The following NOX4 variants were observed in gnomAD, a reference collection of about 807,000 sequenced individuals.
NOX4 encodes the protein NADPH oxidase 4, also known as kidney oxidase-1.
A neutral mutation model predicts 87.6 loss-of-function variants in NOX4; 69 were observed. That is an observed-to-expected ratio of 0.79 (90% confidence interval 0.65 to 0.96). NOX4 has a LOEUF of 0.96. Ranked by LOEUF, NOX4 falls within the 40% of genes least tolerant of loss-of-function variation. The pLI is 0.00. For synonymous variants in NOX4, 275 were observed against 238.2 expected (o/e 1.15, Z -1.42); for missense variants, 680 against 681.5 (o/e 1.00, Z 0.02).
intron 4 of NOX4, among the ~76,000 whole-genome samples, chr11:89,445,918 A>G (rs571995018): frequency 2.0e-5 from 3 of 152,244 alleles, no homozygotes; most frequent in African/African-American, 7.2e-5. Flanking sequence ...TTTGAACACC[A>G]TGAGAAGATA....
At chr11:89,500,397 G>A (rs1173579703), upstream of NOX4, among the ~76,000 whole-genome samples, 4 of 152,112 alleles carry the variant, frequency 2.6e-5, no homozygotes, top group East Asian at 1.9e-4. Context: ...TCAACCAAAT[G>A]TCTTCATATC....
intron 12 of NOX4, among the ~76,000 whole-genome samples, chr11:89,370,022 A>G (rs113389751): frequency 2.0e-5 from 3 of 152,038 alleles, no homozygotes; most frequent in Non-Finnish European, 4.4e-5. Flanking sequence ...TGGCTCCTAC[A>G]GTGATATAGA....
chr11:89,458,495 CA>C (rs1945307113), intron 2 of NOX4, among the ~76,000 whole-genome samples: 1 of 151,982 alleles, frequency 6.6e-6, no homozygotes, highest in Non-Finnish European at 1.5e-5. Context: ...TTCTGTACAA[CA>C]AAAGAAACTA....
Position 89,326,566 on chromosome 11 carries a change from T to C in NOX4, c.*190A>G, listed in dbSNP as rs1590926613. On this transcript the variant is annotated 3_prime_UTR_variant, in exon 18 of 18. Coordinates refer to ENST00000263317, the MANE Select transcript of NOX4 (RefSeq NM_016931.5). ...ACATCAAATATTCTTCAGGGTCTCT[T>C]TGGTTTCCAGATTAAACATGTAATG... is the stretch of plus-strand genomic sequence containing the variant. The C allele has an allele frequency of 1.3e-5, 6 of 454,190 alleles. No individual in the cohort carries two copies. The highest frequency in any genetic ancestry group is 2.3e-5 in the Non-Finnish European group (6 of 257,396). The allele number at this position is 454,190 out of a possible 1,614,324, so 28.1% of individuals were successfully genotyped here.
the NOX4 span, among the ~76,000 whole-genome samples, chr11:89,582,574 C>T: frequency 7.2e-5 from 11 of 152,034 alleles, no homozygotes; most frequent in African/African-American, 1.7e-4. Context: ...CACTGTCCTC[C>T]CAATATACTA....
Position 89,486,963 on chromosome 11 carries a change from G to T in NOX4, c.153+3495C>A, listed in dbSNP as rs369660034. On this transcript the variant is annotated intron_variant, in intron 2 of 17. Transcript: ENST00000263317. ...GTTGGCCACATATTATTAAATAAAT[G>T]TCACTGGTTTCTTTTTCCTTTTTTT... 1.8e-3 allele frequency among the ~76,000 whole-genome samples: 272 copies of T among 152,100 alleles called. 1 individual carries two copies. The highest frequency in any genetic ancestry group is 3.4e-3 in the Middle Eastern group (1 of 294).
intron 7 of NOX4, among the ~76,000 whole-genome samples, chr11:89,423,808 C>T (rs1943219092): frequency 6.6e-6 from 1 of 151,964 alleles, no homozygotes; most frequent in Non-Finnish European, 1.5e-5. Flanking sequence ...TAATCCAACA[C>T]TTTGAAAGGC....
Position 89,426,420 on chromosome 11 carries a change from G to A in NOX4, c.549-4438C>T, listed in dbSNP as rs927151233. 3.3e-5 allele frequency among the ~76,000 whole-genome samples: 5 copies of A among 151,992 alleles called. 1 individual carries two copies. The highest frequency in any genetic ancestry group is 1.2e-4 in the African/African-American group (5 of 41,392). On this transcript the variant is annotated intron_variant, in intron 7 of 17. Transcript: ENST00000263317. ...CACCGAGCATGAGCTGAAGCAGGGT[G>A]AGGCATCGCCTCACCTGGGAAGCGC... is the stretch of plus-strand genomic sequence containing the variant.
chr11:89,431,279 C>T (rs916184217), intron 7 of NOX4, among the ~76,000 whole-genome samples: 1 of 152,174 alleles, frequency 6.6e-6, no homozygotes, highest in African/African-American at 2.4e-5. Context: ...CAATACCATT[C>T]AGGACATACA....
At chr11:89,535,957 T>C in the NOX4 span, among the ~76,000 whole-genome samples, 1 of 152,076 alleles carries the variant, frequency 6.6e-6, no homozygotes, top group Non-Finnish European at 1.5e-5. Context: ...CGGTCTCTGC[T>C]TTAGTTCAGT....
intron 12 of NOX4, among the ~76,000 whole-genome samples, chr11:89,362,173 G>GACACAGACACACACACACACACACAC (rs936644259): frequency 8.8e-4 from 129 of 147,008 alleles, no homozygotes; most frequent in African/African-American, 3.1e-3. Context: ...CACAGACACA[G>GACACAGACACACACACACACACACAC]ACACACACAC....
the NOX4 span, among the ~76,000 whole-genome samples, chr11:89,506,001 T>C: frequency 3.3e-5 from 5 of 151,848 alleles, no homozygotes; most frequent in African/African-American, 1.2e-4. Context: ...AGAGTTTCTA[T>C]GTTGAGGCAG....
chr11:89,575,730 T>G, the NOX4 span, among the ~76,000 whole-genome samples: 1 of 152,282 alleles, frequency 6.6e-6, no homozygotes, highest in Admixed American at 6.5e-5. Flanking sequence ...TTTCCTTCTT[T>G]TTCCTTCTCC....
At chr11:89,335,154 G>T (rs1319342081) in intron 17 of NOX4, among the ~76,000 whole-genome samples, 9 of 151,650 alleles carry the variant, frequency 5.9e-5, no homozygotes, top group Non-Finnish European at 1.3e-4. Flanking sequence ...TACGTGAGTG[G>T]TTATATAGTT....
intron 1 of NOX4, 156 bp downstream of exon 1, chr11:89,491,034 T>A: frequency 1.2e-6 from 1 of 808,500 alleles, no homozygotes; most frequent in South Asian, 1.5e-5. Flanking sequence ...GGGGGAGTGT[T>A]CATTGTTATC....
chr11:89,558,103 T>C, the NOX4 span, among the ~76,000 whole-genome samples: 28 of 152,268 alleles, frequency 1.8e-4, 1 homozygote, highest in Non-Finnish European at 8.8e-5. Flanking sequence ...AGTAGTCTTG[T>C]ACCCTGAGTA....
At chr11:89,363,021 T>A (rs958058976) in intron 12 of NOX4, among the ~76,000 whole-genome samples, 2 of 152,110 alleles carry the variant, frequency 1.3e-5, no homozygotes, top group African/African-American at 4.8e-5. Context: ...GAGGTCTAAA[T>A]AATGTGCTTC....
At chr11:89,361,148 A>T (rs918193839) in intron 12 of NOX4, among the ~76,000 whole-genome samples, 1 of 152,110 alleles carries the variant, frequency 6.6e-6, no homozygotes, top group African/African-American at 2.4e-5. Flanking sequence ...ACACAGGCAC[A>T]TGCATGTTTA....
chr11:89,574,124 T>C, the NOX4 span, among the ~76,000 whole-genome samples: 1 of 152,172 alleles, frequency 6.6e-6, no homozygotes, highest in African/African-American at 2.4e-5. Context: ...AAATTATCAT[T>C]TTTAGAGAGG....
Sources: allele counts gnomAD v4.1 joint callset (sites outside exome capture counted in the v4.1 genomes callset), GRCh38; gene constraint gnomAD v4.1.1; transcripts MANE v1.5; gene names NCBI Gene and HGNC (gene_info 2026-07-23, HGNC 2026-07-21).